Variants in GPATCH2 observed in about 807,000 individuals in gnomAD.
GPATCH2 encodes G-patch domain containing 2, also known as G patch domain-containing protein 2.
In GPATCH2, 51 loss-of-function variants were observed where a neutral mutation model predicts 58.0. That is an observed-to-expected ratio of 0.88 (90% CI 0.70 to 1.11). The LOEUF (loss-of-function observed/expected upper bound fraction) is 1.11, where lower values mean the gene tolerates loss of function less well. GPATCH2 is among the 50% of genes most tolerant of loss of function. The pLI is 0.00. For missense variants in GPATCH2, 625 were observed against 652.2 expected, an observed-to-expected ratio of 0.96 and a Z score of 0.45; for synonymous variants, 222 against 218.5, an observed-to-expected ratio of 1.02 and a Z score of -0.14.
At chr1:217,570,914 G>A (rs1309473291) in intron 5 of GPATCH2, among the ~76,000 whole-genome samples, 1 of 152,146 alleles carries the variant, frequency 6.6e-6, no homozygotes, top group South Asian at 2.1e-4. Flanking sequence ...ACTATGGCTA[G>A]CCAAGAGTTT....
chr1:217,491,368 G>C (rs112743850), intron 8 of GPATCH2: 3 of 156,594 alleles, frequency 1.9e-5, no homozygotes, highest in African/African-American at 7.2e-5. Flanking sequence ...CTTAAGTTTA[G>C]GGAAAGAGAT....
rs569801344 is a variant in GPATCH2, at chr1:217,626,750, A to G, written c.56+4166T>C. ...TTTATATATATGTGAGGGAGTGGGC[A>G]GGCATTATCTTAGGAAAATTATCAA... On this transcript the variant is annotated intron_variant, in intron 1 of 9. Coordinates refer to ENST00000366935, the MANE Select transcript of GPATCH2 (RefSeq NM_018040.5). Among the ~76,000 whole-genome samples, 50 of 152,282 alleles carry G rather than the reference A, an allele frequency of 3.3e-4. 2 individuals are homozygous for G. Among genetic ancestry groups the G allele is most frequent in the African/African-American group, 1.0e-3 (43 of 41,582 alleles).
intron 5 of GPATCH2, chr1:217,608,238 T>C (rs919448299): frequency 2.1e-6 from 2 of 970,350 alleles, no homozygotes; most frequent in Non-Finnish European, 2.4e-6. Flanking sequence ...TTACAGTACT[T>C]AAAAATTCAA....
chr1:217,503,246 G>A (rs1485254009), intron 6 of GPATCH2, among the ~76,000 whole-genome samples: 1 of 152,080 alleles, frequency 6.6e-6, no homozygotes, highest in East Asian at 1.9e-4. Context: ...CACAACTGGA[G>A]GGGCCACTGG....
chr1:217,516,816 C>T (rs527898018), intron 5 of GPATCH2, among the ~76,000 whole-genome samples: 4 of 152,214 alleles, frequency 2.6e-5, no homozygotes, highest in Non-Finnish European at 4.4e-5. Context: ...AAATAAACAA[C>T]GTGTTGACAG....
intron 8 of GPATCH2, among the ~76,000 whole-genome samples, chr1:217,467,781 T>G (rs1660530242): frequency 6.6e-6 from 1 of 152,120 alleles, no homozygotes; most frequent in Non-Finnish European, 1.5e-5. Context: ...TTTCTAAACC[T>G]ATTTCCTATT....
intron 5 of GPATCH2, among the ~76,000 whole-genome samples, chr1:217,582,626 G>C (rs1373375365): frequency 1.3e-5 from 2 of 152,102 alleles, no homozygotes; most frequent in Non-Finnish European, 2.9e-5. Flanking sequence ...TTGCAGTAAT[G>C]CTCAAAAGAT....
Position 217,498,401 on chromosome 1 carries a change from G to C in GPATCH2, c.1167-6C>G, listed in dbSNP as rs201210640. On this transcript the variant is annotated splice_polypyrimidine_tract_variant and splice_region_variant and intron_variant, in intron 6 of 9. Coordinates refer to ENST00000366935, the MANE Select transcript of GPATCH2 (RefSeq NM_018040.5). ...CCCCAGGGCTAAACCAATGGCTGCA[G>C]AGGAAAGAAAAAGGCAGTTAGAGGG... is the stretch of plus-strand genomic sequence containing the variant. 2.5e-6 allele frequency: 4 copies of C among 1,611,934 alleles called. No individual in the cohort carries two copies. The African/African-American group carries it at 5.3e-5, about 21-fold the overall frequency.
chr1:217,519,090 T>C (rs959864569), intron 5 of GPATCH2, among the ~76,000 whole-genome samples: 1 of 152,252 alleles, frequency 6.6e-6, no homozygotes, highest in Non-Finnish European at 1.5e-5. Flanking sequence ...CAATAATTCA[T>C]TTTAATTAAT....
At chr1:217,524,031 G>A (rs1023107379) in intron 5 of GPATCH2, among the ~76,000 whole-genome samples, 1 of 146,108 alleles carries the variant, frequency 6.8e-6, no homozygotes, top group African/African-American at 2.6e-5. Flanking sequence ...CGGCCAGGCA[G>A]AGGTGCCCCT....
At position 217,541,962 on chromosome 1, in the gene GPATCH2, T is replaced by C. The variant is rs75698205; in HGVS notation, c.1099-27073A>G. The stretch of plus-strand genomic sequence containing the variant: ...GAAGATTGAAGTAGAGTTTTTTTTA[T>C]AGAAAGACCAAACATCCCAGTTGTC... On this transcript the variant is annotated intron_variant, in intron 5 of 9. Transcript: ENST00000366935. Among the ~76,000 whole-genome samples, 46 of 152,316 alleles carry C rather than the reference T, an allele frequency of 3.0e-4. 1 individual carries two copies. In the East Asian group the frequency reaches 8.7e-3, roughly 29 times the overall value.
chr1:217,452,508 T>C (rs1473569515), intron 8 of GPATCH2, among the ~76,000 whole-genome samples: 1 of 152,222 alleles, frequency 6.6e-6, no homozygotes, highest in Non-Finnish European at 1.5e-5. Context: ...GTTTTTGCAC[T>C]AGTTATATGT....
chr1:217,585,820 A>G (rs1053442185), intron 5 of GPATCH2, among the ~76,000 whole-genome samples: 2 of 152,158 alleles, frequency 1.3e-5, no homozygotes, highest in African/African-American at 4.8e-5. Flanking sequence ...ATCGTAGAGT[A>G]TACTTACACA....
chr1:217,472,050 A>G (rs1410898121), intron 8 of GPATCH2, among the ~76,000 whole-genome samples: 1 of 152,152 alleles, frequency 6.6e-6, no homozygotes, highest in Non-Finnish European at 1.5e-5. Flanking sequence ...AAAGGACAAA[A>G]ATCATATAAG....
chr1:217,524,252 T>C (rs1663685150), intron 5 of GPATCH2, among the ~76,000 whole-genome samples: 1 of 124,812 alleles, frequency 8.0e-6, no homozygotes. Context: ...GTCTCCTCAC[T>C]TCTCAGACGG....
At chr1:217,517,371 G>A (rs982113441) in intron 5 of GPATCH2, among the ~76,000 whole-genome samples, 1 of 151,932 alleles carries the variant, frequency 6.6e-6, no homozygotes, top group Non-Finnish European at 1.5e-5. Context: ...TCAGTGGTCT[G>A]CCTCAGGAGT....
At chr1:217,570,456 T>C (rs1021255864) in intron 5 of GPATCH2, among the ~76,000 whole-genome samples, 4 of 152,200 alleles carry the variant, frequency 2.6e-5, no homozygotes, top group African/African-American at 9.7e-5. Flanking sequence ...TGTTCCTGTT[T>C]TCTTTCCCAA....
At chr1:217,483,163 T>A (rs1014246419) in intron 8 of GPATCH2, among the ~76,000 whole-genome samples, 1 of 152,162 alleles carries the variant, frequency 6.6e-6, no homozygotes, top group Non-Finnish European at 1.5e-5. Flanking sequence ...CTACAAATAT[T>A]TGTATACCAA....
chr1:217,622,958 T>C (rs948444934), intron 1 of GPATCH2, among the ~76,000 whole-genome samples: 5 of 152,208 alleles, frequency 3.3e-5, no homozygotes, highest in Non-Finnish European at 2.9e-5. Context: ...ATAAGCCAAG[T>C]GAATCTTTTT....
Sources: gnomAD v4.1 joint callset for allele counts (sites outside exome capture counted in the v4.1 genomes callset) on GRCh38, gnomAD v4.1.1 for gene constraint, MANE v1.5 for transcripts, NCBI Gene and HGNC (gene_info 2026-07-23, HGNC 2026-07-21) for gene names.